SLC43A2: variants seen among roughly 807,000 people sequenced by gnomAD.
SLC43A2 encodes large neutral amino acids transporter small subunit 4.
SLC43A2 carries 38 observed loss-of-function variants against 63.2 expected under a neutral mutation model. The observed-to-expected ratio is 0.60, with a 90% confidence interval of 0.46 to 0.79. The LOEUF is 0.79. SLC43A2 is among the 30% of genes least tolerant of loss of function. SLC43A2 has a pLI of 0.00. For missense variants in SLC43A2, 644 were observed against 756.2 expected, an observed-to-expected ratio of 0.85 and a Z score of 1.74; for synonymous variants, 322 against 331.0, an observed-to-expected ratio of 0.97 and a Z score of 0.30.
At position 1,577,631 on chromosome 17, in the gene SLC43A2, G is replaced by A. The variant is rs1380041073; in HGVS notation, c.1424+619C>T. 6.6e-6 allele frequency among the ~76,000 whole-genome samples: 1 copy of A among 152,244 alleles called. No homozygotes were observed. The highest frequency in any genetic ancestry group is 2.4e-5 in the African/African-American group (1 of 41,472). On this transcript the variant is annotated intron_variant, in intron 12 of 13. Transcript: ENST00000301335. The surrounding 1 kb of genome is among the most constrained non-coding windows in gnomAD (Gnocchi z 4.9). ...ATGAGCTGGTCCCACATCAGAGACT[G>A]TGGATGATGATGTTTGAGTTTCAGT...
At chr17:1,586,928 T>TGGGCCCCCCCCCCCCCCAAAC in intron 9 of SLC43A2, 1 of 1,232,916 alleles carries the variant, frequency 8.1e-7, no homozygotes, top group Non-Finnish European at 1.1e-6. Context: ...TCCCTGACAA[T>TGGGCCCCCCCCCCCCCCAAAC]CCCCCCCACC....
rs35701443 is a variant in SLC43A2, at chr17:1,605,814, C to T, written c.501+7381G>A. ...ACCGGGCACCTCCAAGCACATGCTG[C>T]CCGGGACAAGGTCCTTGTGGTCACC... On this transcript the variant is annotated intron_variant, in intron 5 of 13. Transcript: ENST00000301335. This position sits in a 1 kb window ranked among gnomAD's most constrained non-coding sequence, Gnocchi z 4.9. Among the ~76,000 whole-genome samples the T allele has an allele frequency of 0.2, 30,550 of 152,070 alleles. 3,161 individuals carry two copies. The highest frequency in any genetic ancestry group is 0.22 in the Non-Finnish European group (14,755 of 67,962).
chr17:1,613,371 C>T, intron 4 of SLC43A2, 100 bp from the exon 5 acceptor site: 1 of 1,022,082 alleles, frequency 9.8e-7, no homozygotes, highest in Non-Finnish European at 1.5e-6. Context: ...CCCAGTAAAT[C>T]CAGTAAACGC....
At chr17:1,610,822 T>C (rs1445296759) in intron 5 of SLC43A2, among the ~76,000 whole-genome samples, 1 of 151,490 alleles carries the variant, frequency 6.6e-6, no homozygotes, top group Non-Finnish European at 1.5e-5. Flanking sequence ...GCAGGGTCCC[T>C]TTTAAAGTCT....
intron 6 of SLC43A2, 31 bp from the exon 7 acceptor site, chr17:1,591,730 G>GC: frequency 2.4e-6 from 2 of 823,064 alleles, no homozygotes; most frequent in Non-Finnish European, 3.8e-6. Context: ...GGGGTGGGGG[G>GC]GGGAGGGGGC....
Position 1,605,197 on chromosome 17 carries a change from T to A in SLC43A2, c.501+7998A>T, listed in dbSNP as rs548715581. Reference sequence around the variant, plus strand: ...CAGCCCGGGCTGTTCACTCACTGCCTCCACGCAGCCTCAGTCACACAGGGA... The same window carrying A: ...CAGCCCGGGCTGTTCACTCACTGCCACCACGCAGCCTCAGTCACACAGGGA... On this transcript the variant is annotated intron_variant, in intron 5 of 13. Coordinates refer to ENST00000301335, the MANE Select transcript of SLC43A2 (RefSeq NM_152346.3). This position sits in a 1 kb window ranked among gnomAD's most constrained non-coding sequence, Gnocchi z 4.9. The A allele has an allele frequency of 2.5e-5, 29 of 1,142,152 alleles. No individual in the cohort carries two copies. The highest frequency in any genetic ancestry group is 3.1e-5 in the Non-Finnish European group (29 of 923,356). 70.8% of individuals were successfully genotyped at this position (1,142,152 alleles called of 1,614,324 possible).
At chr17:1,598,256 A>C (rs1327123418) in intron 5 of SLC43A2, among the ~76,000 whole-genome samples, 1 of 152,162 alleles carries the variant, frequency 6.6e-6, no homozygotes, top group Admixed American at 6.5e-5. Flanking sequence ...CCTTGTCTCT[A>C]CTAGAAATAC....
rs758029541 is a variant in SLC43A2 at position 1,583,936 on chromosome 17, C to T, written c.1218-600G>A. Among the ~76,000 whole-genome samples, 3 of 151,936 alleles carry T rather than the reference C, an allele frequency of 2.0e-5. No individual in the cohort carries two copies. Among genetic ancestry groups the T allele is most frequent in the Admixed American group, 6.6e-5 (1 of 15,232 alleles). ...TTTGAGATGGAGTCTCGCTCTGTCA[C>T]CCGGGCTGGAGTGCAGTGGTGTGAT... On this transcript the variant is annotated intron_variant, in intron 10 of 13. Transcript: ENST00000301335. This position sits in a 1 kb window ranked among gnomAD's most constrained non-coding sequence, Gnocchi z 5.5.
chr17:1,605,345 G>T lies in SLC43A2; in HGVS notation c.501+7850C>A. ...CCTCCCCTGGCATTCTGGCCATAGAGCATGACCACCGGACAGGAGTGCCTG... is the reference window on the plus strand; with the variant it reads ...CCTCCCCTGGCATTCTGGCCATAGATCATGACCACCGGACAGGAGTGCCTG... On this transcript the variant is annotated intron_variant, in intron 5 of 13. Coordinates refer to ENST00000301335, the MANE Select transcript of SLC43A2 (RefSeq NM_152346.3). This position sits in a 1 kb window ranked among gnomAD's most constrained non-coding sequence, Gnocchi z 4.9. 1 of 561,444 alleles carries T rather than the reference G, an allele frequency of 1.8e-6. No homozygotes were observed. The highest frequency in any genetic ancestry group is 2.3e-6 in the Non-Finnish European group (1 of 432,468). The allele number at this position is 561,444 out of a possible 1,614,324, so 34.8% of individuals were successfully genotyped here.
At chr17:1,584,624 T>C (rs1201176473) in intron 10 of SLC43A2, among the ~76,000 whole-genome samples, 3 of 151,616 alleles carry the variant, frequency 2.0e-5, no homozygotes, top group African/African-American at 7.3e-5. Flanking sequence ...CCATCTTGTC[T>C]AACACTGTGA....
At chr17:1,597,808 AAAAAAAG>A (rs1356183928) in intron 5 of SLC43A2, among the ~76,000 whole-genome samples, 4 of 152,248 alleles carry the variant, frequency 2.6e-5, no homozygotes, top group East Asian at 1.9e-4. Context: ...CAAAAAGAAA[AAAAAAAG>A]AAAAAAGAAA....
chr17:1,618,955 C>A (rs2151078142), intron 2 of SLC43A2, among the ~76,000 whole-genome samples: 1 of 152,154 alleles, frequency 6.6e-6, no homozygotes, highest in East Asian at 1.9e-4. Flanking sequence ...CACTGCACTC[C>A]AGCCTGGGCA....
chr17:1,585,647 C>T, intron 10 of SLC43A2: 1 of 1,361,512 alleles, frequency 7.3e-7, no homozygotes, highest in Non-Finnish European at 9.7e-7. Flanking sequence ...CCCAGCCTTT[C>T]AAAGTGCTGG....
Position 1,575,782 on chromosome 17 carries a change from G to T in SLC43A2, c.1549-17C>A, listed in dbSNP as rs1416469409. ...CACGTTCACCTGGGGAGGCAGGGAG[G>T]CCGCGCATCACAGGGCGTGGTGGTG... On this transcript the variant is annotated splice_polypyrimidine_tract_variant and intron_variant, in intron 13 of 13. Transcript: ENST00000301335. The T allele has an allele frequency of 1.2e-6, 2 of 1,600,736 alleles. No homozygotes were observed. The highest frequency in any genetic ancestry group is 1.7e-5 in the Admixed American group (1 of 58,692).
chr17:1,575,381 A>C lies in SLC43A2; in HGVS notation c.*223T>G. 1 of 596,756 alleles carries C rather than the reference A, an allele frequency of 1.7e-6. No individual in the cohort carries two copies. The highest frequency in any genetic ancestry group is 2.9e-6 in the Non-Finnish European group (1 of 347,900). The allele number at this position is 596,756 out of a possible 1,614,324, so 37.0% of individuals were successfully genotyped here. The stretch of plus-strand genomic sequence containing the variant: ...CCGGGTCCCCGGGGGGCGGCAGAGC[A>C]AAGTCAGGGCAGCCCCTGCGTTCGG... On this transcript the variant is annotated 3_prime_UTR_variant, in exon 14 of 14. Transcript: ENST00000301335.
At chr17:1,598,216 C>T (rs1905518622) in intron 5 of SLC43A2, among the ~76,000 whole-genome samples, 1 of 152,124 alleles carries the variant, frequency 6.6e-6, no homozygotes, top group African/African-American at 2.4e-5. Flanking sequence ...AGGTCAGGAG[C>T]TTGAGACCAG....
intron 2 of SLC43A2, among the ~76,000 whole-genome samples, chr17:1,622,281 C>G (rs373091197): frequency 2.0e-5 from 3 of 152,312 alleles, no homozygotes; most frequent in African/African-American, 7.2e-5. Context: ...GAAAGCTATC[C>G]GGCTGGGCGC....
At chr17:1,594,798 C>T (rs959658580) in intron 5 of SLC43A2, among the ~76,000 whole-genome samples, 3 of 151,690 alleles carry the variant, frequency 2.0e-5, no homozygotes, top group Admixed American at 6.6e-5. Context: ...CCACGTTAGC[C>T]AGGATGGTCT....
chr17:1,586,798 C>G (rs530794326), intron 9 of SLC43A2, among the ~76,000 whole-genome samples: 23 of 152,266 alleles, frequency 1.5e-4, no homozygotes, highest in African/African-American at 5.3e-4. Context: ...GGGAAGCAGA[C>G]GAGGAATGTT....
Sources: gnomAD v4.1 joint callset for allele counts (sites outside exome capture counted in the v4.1 genomes callset) on GRCh38, gnomAD v4.1.1 for gene constraint, Gnocchi (gnomAD v3.1) non-coding constraint, MANE v1.5 for transcripts, NCBI Gene and HGNC (gene_info 2026-07-23, HGNC 2026-07-21) for gene names.